MYH14: variants seen among roughly 807,000 people sequenced by gnomAD.
MYH14 encodes the protein myosin-14.
A neutral mutation model predicts 255.5 loss-of-function variants in MYH14; 123 were observed. The ratio of observed to expected loss-of-function variants is 0.48; its 90% CI spans 0.42 to 0.56. The LOEUF is 0.56. MYH14 is among the 20% of genes least tolerant of loss of function. The pLI is 0.00. For missense variants in MYH14, 2,423 were observed against 2,802.3 expected (o/e 0.86, Z 3.06); for synonymous variants, 1,095 against 1,161.2 (o/e 0.94, Z 1.16).
intron 30 of MYH14, among the ~76,000 whole-genome samples, 170 bp downstream of exon 30, chr19:50,278,459 G>C (rs749986172): frequency 1.3e-5 from 2 of 152,082 alleles, no homozygotes; most frequent in Non-Finnish European, 2.9e-5. Flanking sequence ...TCTAGCACTT[G>C]GGAGGCCAAG....
Position 50,252,359 on chromosome 19 carries a change from G to A in MYH14, c.1831-280G>A, listed in dbSNP as rs148739928. On this transcript the variant is annotated intron_variant, in intron 15 of 42. Transcript: ENST00000642316. The surrounding 1 kb of genome is among the most constrained non-coding windows in gnomAD (Gnocchi z 4.2). The stretch of plus-strand genomic sequence containing the variant: ...GTGGGAGTAAGCTCGCATGTTTGAG[G>A]AACAGTGCGGAGGCCAGGGTGGCTG... 2.8e-4 allele frequency among the ~76,000 whole-genome samples: 43 copies of A among 152,294 alleles called. No individual in the cohort carries two copies. The highest frequency in any genetic ancestry group is 5.0e-4 in the Non-Finnish European group (34 of 68,018).
At chr19:50,226,550 C>G (rs1023110972) in intron 7 of MYH14, among the ~76,000 whole-genome samples, 5 of 150,360 alleles carry the variant, frequency 3.3e-5, no homozygotes, top group Non-Finnish European at 7.4e-5. Flanking sequence ...ATCCCTGGGT[C>G]TGAAGGAGGA....
rs559021462 is a variant in MYH14 at position 50,252,211 on chromosome 19, G to A, written c.1831-428G>A. On this transcript the variant is annotated intron_variant, in intron 15 of 42. Transcript: ENST00000642316. This position sits in a 1 kb window ranked among gnomAD's most constrained non-coding sequence, Gnocchi z 4.2. ...GGGCACATATGCAGAGAATTGTAGC[G>A]GCCAAGATCGTGACTCTATGGAGCC... 2.0e-5 allele frequency among the ~76,000 whole-genome samples: 3 copies of A among 152,258 alleles called. No individual in the cohort carries two copies. The highest frequency in any genetic ancestry group is 2.1e-4 in the South Asian group (1 of 4,828).
At chr19:50,295,026 T>TAAAAAAAA (rs373838791) in intron 39 of MYH14, among the ~76,000 whole-genome samples, 16,375 of 141,788 alleles carry the variant, frequency 0.12, 1,159 homozygotes, top group East Asian at 0.2. Context: ...TTTTTTTTTT[T>TAAAAAAAA]AAAAACAGGC....
chr19:50,247,704 G>C (rs74552973), intron 12 of MYH14, among the ~76,000 whole-genome samples: 10 of 151,882 alleles, frequency 6.6e-5, no homozygotes, highest in Non-Finnish European at 1.5e-5. Flanking sequence ...TAGATGGTTC[G>C]AGGCAGACGG....
In MYH14 at chr19:50,272,569, G is replaced by A. The variant is rs367703354; in HGVS notation, c.3305G>A (p.Arg1102Gln). Residue 1102 changes from arginine to glutamine, a missense_variant, in exon 27 of 43, where the codon CGG (arginine) becomes CAG (glutamine). Transcript: ENST00000642316. ...CCACCCCTGCCTCCAGACCGCCTAC[G>A]GAAGGAGGAGAAGGGTCGCCAGGAG... Reference protein sequence around the residue: ...ATIADMEDRLRKEEKGRQELE... With the variant: ...ATIADMEDRLQKEEKGRQELE... The A allele has an allele frequency of 5.9e-5, 93 of 1,573,046 alleles. No individual in the cohort carries two copies. Among genetic ancestry groups the A allele is most frequent in the Middle Eastern group, 1.9e-4 (1 of 5,298 alleles).
At position 50,293,246 on chromosome 19, in the gene MYH14, CG is replaced by C; in HGVS notation, c.5272del (p.Asp1758ThrfsTer67). 1 of 1,606,420 alleles carries C rather than the reference CG, an allele frequency of 6.2e-7. No homozygotes were observed. Among genetic ancestry groups the C allele is most frequent in the Non-Finnish European group, 8.5e-7 (1 of 1,176,818 alleles). On this transcript the variant is annotated frameshift_variant, in exon 38 of 43. Coordinates refer to ENST00000642316, the MANE Select transcript of MYH14 (RefSeq NM_001145809.2). LOFTEE classifies it high-confidence loss of function. This position sits in a 1 kb window ranked among gnomAD's most constrained non-coding sequence, Gnocchi z 4.1. ...CCATCATCACAGGAACTGGCCGCCT[CG>C]GACCGTGCTCGGCGGCAGGCCCAGC... ...VLRLQEELAA[S>X]DRARRQAQQD... is the part of the protein sequence containing the mutation.
chr19:50,223,007 C>T lies in MYH14; in HGVS notation c.563-76C>T, dbSNP rs180977411. The T allele has an allele frequency of 2.7e-4, 369 of 1,365,586 alleles. No individual in the cohort carries two copies. In the East Asian group the frequency reaches 7.0e-3, roughly 26 times the overall value. The allele number at this position is 1,365,586 out of a possible 1,614,324, so 84.6% of individuals were successfully genotyped here. On this transcript the variant is annotated intron_variant, in intron 3 of 42. Transcript: ENST00000642316. ...CCTGGGAATAATTTTTAAAATGCAG[C>T]GGCCAGTGTAAGGGACCAGAGGGCC...
intron 10 of MYH14, among the ~76,000 whole-genome samples, chr19:50,239,402 A>G (rs1016037816): frequency 2.0e-5 from 3 of 151,986 alleles, no homozygotes; most frequent in Admixed American, 2.0e-4. Context: ...TTTATCATTC[A>G]TGGTTTTGAC....
intron 1 of MYH14, among the ~76,000 whole-genome samples, chr19:50,209,905 C>G (rs569872748): frequency 6.6e-6 from 1 of 151,446 alleles, no homozygotes; most frequent in Non-Finnish European, 1.5e-5. Flanking sequence ...CGAGACCAGC[C>G]TGGCCAACAT....
At chr19:50,296,746 T>A (rs113565295) in intron 39 of MYH14, among the ~76,000 whole-genome samples, 2 of 152,254 alleles carry the variant, frequency 1.3e-5, no homozygotes, top group African/African-American at 4.8e-5. Flanking sequence ...AGTATAGTTA[T>A]GTCAAGAGCA....
chr19:50,276,781 G>A lies in MYH14; in HGVS notation c.3705G>A (p.Thr1235=), dbSNP rs775178805. Reference sequence around the variant, plus strand: ...GGTCCAAGAGGGAACAGGAGGTGACGGAGCTGAAGAAGACTCTGGAGGAGG... The same window carrying A: ...GGTCCAAGAGGGAACAGGAGGTGACAGAGCTGAAGAAGACTCTGGAGGAGG... ...ELRSKREQEV[T]ELKKTLEEET... is the part of the protein sequence containing the mutation. Residue 1235 remains threonine (T), a synonymous_variant, in exon 29 of 43, where the codon ACG becomes ACA. Coordinates refer to ENST00000642316, the MANE Select transcript of MYH14 (RefSeq NM_001145809.2). This position sits in a 1 kb window ranked among gnomAD's most constrained non-coding sequence, Gnocchi z 4.3. The A allele has an allele frequency of 3.7e-6, 6 of 1,613,380 alleles. No individual in the cohort carries two copies. Among genetic ancestry groups the A allele is most frequent in the South Asian group, 1.1e-5 (1 of 91,066 alleles).
At position 50,259,224 on chromosome 19, in the gene MYH14, G is replaced by T; in HGVS notation, c.2313G>T (p.Gln771His). The T allele has an allele frequency of 6.3e-7, 1 of 1,589,480 alleles. No individual in the cohort carries two copies. The highest frequency in any genetic ancestry group is 1.8e-5 in the Admixed American group (1 of 56,310). The change falls in exon 19 of 43, where the codon CAG (glutamine) becomes CAT (histidine). Residue 771 changes from glutamine to histidine, a missense_variant. Coordinates refer to ENST00000642316, the MANE Select transcript of MYH14 (RefSeq NM_001145809.2). ...GVLEGIRICR[Q>H]GFPNRILFQE... ...TGGAGGGCATCCGCATCTGTCGCCA[G>T]GGCTTCCCCAACCGCATCCTCTTCC...
At position 50,250,493 on chromosome 19, in the gene MYH14, T is replaced by C; in HGVS notation, c.1657-22T>C. 6.2e-7 allele frequency: 1 copy of C among 1,607,448 alleles called. No homozygotes were observed. On this transcript the variant is annotated intron_variant, in intron 14 of 42. Coordinates refer to ENST00000642316, the MANE Select transcript of MYH14 (RefSeq NM_001145809.2). The surrounding 1 kb of genome is among the most constrained non-coding windows in gnomAD (Gnocchi z 5.4). ...CAATATGTGGGGATCTGACTTACTCTCCCCCTGCTGTCAATGGCCAGGCCA... is the reference window on the plus strand; with the variant it reads ...CAATATGTGGGGATCTGACTTACTCCCCCCCTGCTGTCAATGGCCAGGCCA...
At chr19:50,288,653 G>A (rs1288236240) in intron 34 of MYH14, among the ~76,000 whole-genome samples, 3 of 152,182 alleles carry the variant, frequency 2.0e-5, no homozygotes, top group South Asian at 4.1e-4. Flanking sequence ...GGGCAGTGGC[G>A]ATCCACAGAC....
chr19:50,222,362 C>T (rs1465904430), intron 3 of MYH14, among the ~76,000 whole-genome samples: 2 of 151,540 alleles, frequency 1.3e-5, no homozygotes, highest in Non-Finnish European at 2.9e-5. Flanking sequence ...CGCCTCTAGT[C>T]CCAGGTACTT....
At chr19:50,214,760 G>A (rs529488533) in intron 2 of MYH14, among the ~76,000 whole-genome samples, 1 of 152,100 alleles carries the variant, frequency 6.6e-6, no homozygotes, top group East Asian at 1.9e-4. Flanking sequence ...CAGCCTGGGC[G>A]ACAGAGCCAG....
chr19:50,256,585 GCTGGCCTCGAACTC>G (rs1425950249), intron 17 of MYH14, among the ~76,000 whole-genome samples: 1 of 152,138 alleles, frequency 6.6e-6, no homozygotes, highest in African/African-American at 2.4e-5. Flanking sequence ...TGTTGGCCAG[GCTGGCCTCGAACTC>G]CTGACCTTAG....
chr19:50,247,900 A>G (rs1358367436), intron 12 of MYH14, among the ~76,000 whole-genome samples: 1 of 151,902 alleles, frequency 6.6e-6, no homozygotes, highest in Non-Finnish European at 1.5e-5. Flanking sequence ...CGTCTCTACT[A>G]AAATACAAAA....
Sources: gnomAD v4.1 joint callset for allele counts (sites outside exome capture counted in the v4.1 genomes callset) on GRCh38, gnomAD v4.1.1 for gene constraint, Gnocchi (gnomAD v3.1) non-coding constraint, MANE v1.5 for transcripts, NCBI Gene and HGNC (gene_info 2026-07-23, HGNC 2026-07-21) for gene names.